Variants in CSMD1 observed in about 807,000 individuals in gnomAD.
CSMD1 encodes the protein CUB and sushi domain-containing protein 1.
CSMD1 carries 213 observed loss-of-function variants against 417.5 expected under a neutral mutation model. That is an observed-to-expected ratio of 0.51 (90% CI 0.46 to 0.57). CSMD1 has a LOEUF of 0.57. CSMD1 is among the 20% of genes least tolerant of loss of function. CSMD1 has a pLI of 0.00. For missense variants in CSMD1, 6,923 were observed against 4,529.7 expected (o/e 1.53, Z -15.17); for synonymous variants, 2,862 against 1,736.8 (o/e 1.65, Z -16.11).
At chr8:3,719,697 C>T (rs1251829460) in intron 6 of CSMD1, among the ~76,000 whole-genome samples, 3 of 152,150 alleles carry the variant, frequency 2.0e-5, no homozygotes, top group Non-Finnish European at 4.4e-5. Flanking sequence ...ACATAGAACA[C>T]ACTGTAGCCC....
chr8:4,452,363 G>A (rs11780134), intron 2 of CSMD1, among the ~76,000 whole-genome samples: 2 of 152,202 alleles, frequency 1.3e-5, no homozygotes, highest in Middle Eastern at 3.4e-3. Context: ...GGGGTGACAA[G>A]TACAATACAA....
chr8:2,966,559 T>C lies in CSMD1; in HGVS notation c.9100+11A>G, dbSNP rs1471853874. 3 of 1,610,716 alleles carry C rather than the reference T, an allele frequency of 1.9e-6. No homozygotes were observed. Among genetic ancestry groups the C allele is most frequent in the African/African-American group, 2.7e-5 (2 of 74,866 alleles). On this transcript the variant is annotated intron_variant, in intron 58 of 69. Transcript: ENST00000635120. ...TAACGTCTGAGTCTACCATGATGTC[T>C]GCTTACTAACTTGTGCAGTCGGGAG...
At chr8:4,294,611 C>A (rs970329809) in intron 3 of CSMD1, among the ~76,000 whole-genome samples, 1 of 151,938 alleles carries the variant, frequency 6.6e-6, no homozygotes, top group African/African-American at 2.4e-5. Flanking sequence ...GACTACAGAC[C>A]CTGAACATTC....
intron 2 of CSMD1, among the ~76,000 whole-genome samples, chr8:4,555,167 C>A (rs184111081): frequency 2.6e-5 from 4 of 152,274 alleles, no homozygotes; most frequent in African/African-American, 9.6e-5. Flanking sequence ...TTGAAAAGAT[C>A]ATTCTGACTT....
intron 1 of CSMD1, among the ~76,000 whole-genome samples, chr8:4,805,693 G>A (rs1798548694): frequency 6.6e-6 from 1 of 152,140 alleles, no homozygotes; most frequent in Non-Finnish European, 1.5e-5. Context: ...GCATGCAGAT[G>A]ACAGAACAGA....
At chr8:3,306,655 C>T (rs1804874451) in intron 25 of CSMD1, among the ~76,000 whole-genome samples, 1 of 148,866 alleles carries the variant, frequency 6.7e-6, no homozygotes, top group Admixed American at 6.8e-5. Context: ...TTAATAACAA[C>T]AATGAAACAG....
intron 23 of CSMD1, among the ~76,000 whole-genome samples, chr8:3,329,065 G>A (rs1173614640): frequency 1.3e-5 from 2 of 152,164 alleles, no homozygotes; most frequent in Non-Finnish European, 2.9e-5. Context: ...GCATGGAATG[G>A]AGGTGGAAGA....
intron 1 of CSMD1, among the ~76,000 whole-genome samples, chr8:4,778,410 G>C (rs539501266): frequency 5.7e-4 from 86 of 152,158 alleles, no homozygotes; most frequent in Non-Finnish European, 1.1e-3. Context: ...ATTGATTCTA[G>C]AGCTCCGGTG....
chr8:4,070,942 G>C (rs750772978), intron 3 of CSMD1, among the ~76,000 whole-genome samples: 4 of 152,102 alleles, frequency 2.6e-5, no homozygotes, highest in East Asian at 3.9e-4. Flanking sequence ...GGCCTCCATG[G>C]TGTTTGATGT....
intron 6 of CSMD1, among the ~76,000 whole-genome samples, chr8:3,717,039 G>C (rs760043833): frequency 2.0e-5 from 3 of 152,136 alleles, no homozygotes; most frequent in Admixed American, 6.5e-5. Context: ...TGAAATGGTA[G>C]AAGCAGGGTT....
intron 3 of CSMD1, among the ~76,000 whole-genome samples, chr8:4,041,256 A>T (rs1797880032): frequency 6.6e-6 from 1 of 151,396 alleles, no homozygotes; most frequent in African/African-American, 2.4e-5. Context: ...TGACCTCGTG[A>T]TCCGCCCGCC....
intron 5 of CSMD1, among the ~76,000 whole-genome samples, chr8:3,905,178 G>GA (rs1414813961): frequency 6.6e-6 from 1 of 151,846 alleles, no homozygotes; most frequent in South Asian, 2.1e-4. Flanking sequence ...GGCAAACATA[G>GA]AAAAAATATG....
chr8:4,518,682 G>GA (rs1395544075), intron 2 of CSMD1, among the ~76,000 whole-genome samples: 2 of 151,352 alleles, frequency 1.3e-5, no homozygotes, highest in East Asian at 3.9e-4. Context: ...CGAGTTAACG[G>GA]TGCAGCACAC....
intron 1 of CSMD1, among the ~76,000 whole-genome samples, chr8:4,708,910 A>T (rs970880799): frequency 5.9e-5 from 9 of 152,198 alleles, no homozygotes; most frequent in African/African-American, 9.7e-5. Context: ...ATGTGAGCAA[A>T]TACAGGAAGG....
chr8:3,874,214 C>A (rs1022808778), intron 5 of CSMD1, among the ~76,000 whole-genome samples: 1 of 152,148 alleles, frequency 6.6e-6, no homozygotes, highest in Non-Finnish European at 1.5e-5. Flanking sequence ...ACCTTCCTAA[C>A]CTTCCTGCAA....
intron 2 of CSMD1, among the ~76,000 whole-genome samples, chr8:4,634,380 CG>C (rs1802707796): frequency 6.6e-6 from 1 of 151,340 alleles, no homozygotes; most frequent in Non-Finnish European, 1.5e-5. Flanking sequence ...AAGTTTATTT[CG>C]AAAAAAAATA....
intron 6 of CSMD1, among the ~76,000 whole-genome samples, chr8:3,709,886 G>C (rs1224895584): frequency 6.7e-6 from 1 of 150,304 alleles, no homozygotes; most frequent in Non-Finnish European, 1.5e-5. Flanking sequence ...CACATAAGGA[G>C]ATTCATATAG....
chr8:4,001,732 G>T (rs1585111547), intron 4 of CSMD1, among the ~76,000 whole-genome samples: 1 of 152,314 alleles, frequency 6.6e-6, no homozygotes, highest in Non-Finnish European at 1.5e-5. Flanking sequence ...GGGCCAGCAT[G>T]AGTACTAGGC....
intron 41 of CSMD1, chr8:3,128,750 C>T: frequency 5.0e-6 from 2 of 401,826 alleles, no homozygotes; most frequent in Non-Finnish European, 9.7e-6. Context: ...TTTTATATCT[C>T]AGTGATAGGA....
Sources: allele counts gnomAD v4.1 joint callset (sites outside exome capture counted in the v4.1 genomes callset), GRCh38; gene constraint gnomAD v4.1.1; transcripts MANE v1.5; gene names NCBI Gene and HGNC (gene_info 2026-07-23, HGNC 2026-07-21).